DCUN1D5: variants seen among roughly 807,000 people sequenced by gnomAD.
DCUN1D5 encodes defective in cullin neddylation 1 domain containing 5, also known as DCN1-like protein 5.
In DCUN1D5, 10 loss-of-function variants were observed where a neutral mutation model predicts 38.3. The ratio of observed to expected loss-of-function variants is 0.26; its 90% CI spans 0.16 to 0.44. The LOEUF is 0.44. Among genes scored for constraint, DCUN1D5 ranks in the 20% least tolerant of loss-of-function variants. The pLI is 1.00. For missense variants in DCUN1D5, 148 were observed against 275.3 expected, an observed-to-expected ratio of 0.54 and a Z score of 3.27; for synonymous variants, 93 against 90.9, an observed-to-expected ratio of 1.02 and a Z score of -0.13.
chr11:103,092,093 A>G lies in DCUN1D5; in HGVS notation c.-221T>C. The G allele has an allele frequency of 1.9e-6, 1 of 533,296 alleles. No homozygotes were observed. Among genetic ancestry groups the G allele is most frequent in the Non-Finnish European group, 3.3e-6 (1 of 302,034 alleles). 33.0% of individuals were successfully genotyped at this position (533,296 alleles called of 1,614,324 possible). On this transcript the variant is annotated 5_prime_UTR_variant, in exon 1 of 8. Transcript: ENST00000260247. ...CAGGGCTGGCTCCTCGCCGGTGGAC[A>G]CTGCGGTTCGTTCTCACCGGGAGGA...
rs1487133857 is a variant in DCUN1D5 at position 103,052,639 on chromosome 11, G to C, written c.*9720C>G. 3.9e-5 allele frequency: 6 copies of C among 152,130 alleles called. No homozygotes were observed. The East Asian group carries it at 1.2e-3, about 29-fold the overall frequency. 9.4% of individuals were successfully genotyped at this position (152,130 alleles called of 1,614,324 possible). On this transcript the variant is annotated 3_prime_UTR_variant, in exon 8 of 8. Transcript: ENST00000260247. Reference sequence around the variant, plus strand: ...CTTGTATCTACTCCAAGTCTCTCTTGGTAGTTCTTACATATCATCCTTTTT... The same window carrying C: ...CTTGTATCTACTCCAAGTCTCTCTTCGTAGTTCTTACATATCATCCTTTTT...
rs938503644 is a variant in DCUN1D5 at position 103,077,368 on chromosome 11, G to A, written c.341+5380C>T. Reference sequence around the variant, plus strand: ...CTAACATCAATACCTCAGAAATTGGGAAGTTTAGAAAAAAGAATATTTCCT... The same window carrying A: ...CTAACATCAATACCTCAGAAATTGGAAAGTTTAGAAAAAAGAATATTTCCT... On this transcript the variant is annotated intron_variant, in intron 4 of 7. Transcript: ENST00000260247. The surrounding 1 kb of genome is among the most constrained non-coding windows in gnomAD (Gnocchi z 4.3). Among the ~76,000 whole-genome samples, 1 of 152,032 alleles carries A rather than the reference G, an allele frequency of 6.6e-6. No individual in the cohort carries two copies. Among genetic ancestry groups the A allele is most frequent in the Non-Finnish European group, 1.5e-5 (1 of 68,012 alleles).
In DCUN1D5 at chr11:103,066,153, T is replaced by C. The variant is rs1305739709; in HGVS notation, c.555+116A>G. ...AACTGATATGTACATATTTTAGAAT[T>C]TTTTCTCTAAAGTTTTTTTAAAGCA... On this transcript the variant is annotated intron_variant, in intron 6 of 7. Coordinates refer to ENST00000260247, the MANE Select transcript of DCUN1D5 (RefSeq NM_032299.4). This position sits in a 1 kb window ranked among gnomAD's most constrained non-coding sequence, Gnocchi z 4.7. 1.7e-6 allele frequency: 1 copy of C among 593,228 alleles called. No individual in the cohort carries two copies. Among genetic ancestry groups the C allele is most frequent in the Non-Finnish European group, 2.8e-6 (1 of 358,738 alleles). 36.7% of individuals were successfully genotyped at this position (593,228 alleles called of 1,614,324 possible).
At position 103,087,477 on chromosome 11, in the gene DCUN1D5, C is replaced by T. The variant is rs187757367; in HGVS notation, c.178+1750G>A. Among the ~76,000 whole-genome samples, 193 of 152,236 alleles carry T rather than the reference C, an allele frequency of 1.3e-3. 1 individual carries two copies. Among genetic ancestry groups the T allele is most frequent in the Non-Finnish European group, 2.6e-3 (174 of 67,996 alleles). ...GAGCCACCACACCCGGCTGAAACCCCATTTCTACAAAAAATTTAAAAAATT... is the reference window on the plus strand; with the variant it reads ...GAGCCACCACACCCGGCTGAAACCCTATTTCTACAAAAAATTTAAAAAATT... On this transcript the variant is annotated intron_variant, in intron 2 of 7. Transcript: ENST00000260247. The surrounding 1 kb of genome is among the most constrained non-coding windows in gnomAD (Gnocchi z 4.1).
Position 103,064,405 on chromosome 11 carries a change from T to A in DCUN1D5, c.556-28A>T. On this transcript the variant is annotated intron_variant, in intron 6 of 7. Coordinates refer to ENST00000260247, the MANE Select transcript of DCUN1D5 (RefSeq NM_032299.4). This position sits in a 1 kb window ranked among gnomAD's most constrained non-coding sequence, Gnocchi z 4.5. ...GCAAAAATGATTTAAATATTTGTATTTAAATATTTAAACAAACATCATTTA... is the reference window on the plus strand; with the variant it reads ...GCAAAAATGATTTAAATATTTGTATATAAATATTTAAACAAACATCATTTA... The A allele has an allele frequency of 3.4e-6, 5 of 1,491,984 alleles. No homozygotes were observed. The highest frequency in any genetic ancestry group is 3.7e-6 in the Non-Finnish European group (4 of 1,094,334). The allele number at this position is 1,491,984 out of a possible 1,614,324, so 92.4% of individuals were successfully genotyped here.
Position 103,091,678 on chromosome 11 carries a change from C to CCT in DCUN1D5, c.86+107_86+108dup. ...CTACAGCCTAGCTCGATCAAAGGGG[C>CCT]CTCACCTGTCTCCAGCCCCAGCCCG... On this transcript the variant is annotated intron_variant, in intron 1 of 7. Transcript: ENST00000260247. The surrounding 1 kb of genome is among the most constrained non-coding windows in gnomAD (Gnocchi z 4.3). The CCT allele has an allele frequency of 6.3e-7, 1 of 1,599,790 alleles. No homozygotes were observed. Among genetic ancestry groups the CCT allele is most frequent in the Non-Finnish European group, 8.5e-7 (1 of 1,173,312 alleles).
chr11:103,077,148 C>T lies in DCUN1D5; in HGVS notation c.341+5600G>A, dbSNP rs1862429763. The stretch of plus-strand genomic sequence containing the variant: ...CCGGGAGGCGGAGCTTGCAGTGAGC[C>T]GAGATCGCGCCACTGCACTCCAGCC... On this transcript the variant is annotated intron_variant, in intron 4 of 7. Transcript: ENST00000260247. The surrounding 1 kb of genome is among the most constrained non-coding windows in gnomAD (Gnocchi z 4.3). Among the ~76,000 whole-genome samples the T allele has an allele frequency of 6.6e-6, 1 of 151,880 alleles. No homozygotes were observed. The highest frequency in any genetic ancestry group is 1.5e-5 in the Non-Finnish European group (1 of 67,976).
intron 4 of DCUN1D5, among the ~76,000 whole-genome samples, chr11:103,072,078 G>A (rs1380996236): frequency 4.0e-5 from 6 of 151,346 alleles, no homozygotes; most frequent in East Asian, 1.9e-4. Flanking sequence ...CCTCAACTTC[G>A]TAGAGCATAA....
At position 103,092,111 on chromosome 11, in the gene DCUN1D5, C is replaced by T; in HGVS notation, c.-239G>A. 1 of 485,212 alleles carries T rather than the reference C, an allele frequency of 2.1e-6. No individual in the cohort carries two copies. Among genetic ancestry groups the T allele is most frequent in the Non-Finnish European group, 3.6e-6 (1 of 274,160 alleles). 30.1% of individuals were successfully genotyped at this position (485,212 alleles called of 1,614,324 possible). ...GGTGGACACTGCGGTTCGTTCTCAC[C>T]GGGAGGAGATAACGCGGACAGCGCG... On this transcript the variant is annotated 5_prime_UTR_variant, in exon 1 of 8. Transcript: ENST00000260247.
chr11:103,073,844 G>A lies in DCUN1D5; in HGVS notation c.342-7277C>T, dbSNP rs1460471050. On this transcript the variant is annotated intron_variant, in intron 4 of 7. Coordinates refer to ENST00000260247, the MANE Select transcript of DCUN1D5 (RefSeq NM_032299.4). The surrounding 1 kb of genome is among the most constrained non-coding windows in gnomAD (Gnocchi z 4.2). ...TCCCAACATTTTTGGAGGCTCAGGC[G>A]GGCAGATCACTTGAGGTCAGGATTT... 3.3e-5 allele frequency among the ~76,000 whole-genome samples: 5 copies of A among 152,060 alleles called. No homozygotes were observed. The highest frequency in any genetic ancestry group is 7.2e-5 in the African/African-American group (3 of 41,404).
In DCUN1D5 at chr11:103,060,846, T is replaced by G. The variant is rs1427046257; in HGVS notation, c.*1513A>C. ...CTAAATGCTTTCCTTATAATAAATTTGATATTAAAACATCATTCATAATAT... is the reference window on the plus strand; with the variant it reads ...CTAAATGCTTTCCTTATAATAAATTGGATATTAAAACATCATTCATAATAT... On this transcript the variant is annotated 3_prime_UTR_variant, in exon 8 of 8. Coordinates refer to ENST00000260247, the MANE Select transcript of DCUN1D5 (RefSeq NM_032299.4). Among the ~76,000 whole-genome samples, 1 of 152,182 alleles carries G rather than the reference T, an allele frequency of 6.6e-6. No individual in the cohort carries two copies. The highest frequency in any genetic ancestry group is 1.5e-5 in the Non-Finnish European group (1 of 68,006).
chr11:103,089,380 G>T, intron 1 of DCUN1D5, 62 bp from the exon 2 acceptor site: 1 of 1,396,974 alleles, frequency 7.2e-7, no homozygotes, highest in Non-Finnish European at 9.8e-7. Flanking sequence ...GAAAAACTAA[G>T]TTCAAAATTA....
rs1361379598 is a variant in DCUN1D5, at chr11:103,091,762, C to T, written c.86+25G>A. 1 of 1,613,908 alleles carries T rather than the reference C, an allele frequency of 6.2e-7. No homozygotes were observed. Among genetic ancestry groups the T allele is most frequent in the Non-Finnish European group, 8.5e-7 (1 of 1,179,882 alleles). On this transcript the variant is annotated intron_variant, in intron 1 of 7. Coordinates refer to ENST00000260247, the MANE Select transcript of DCUN1D5 (RefSeq NM_032299.4). This position sits in a 1 kb window ranked among gnomAD's most constrained non-coding sequence, Gnocchi z 4.3. ...TCCAGCAAAGGAGGGAGGAGGGAAG[C>T]TTGAAGGGTGGGGGGAGATGGTACC...
chr11:103,067,313 G>A (rs1862158592), intron 4 of DCUN1D5, among the ~76,000 whole-genome samples: 2 of 152,046 alleles, frequency 1.3e-5, no homozygotes, highest in Admixed American at 1.3e-4. Flanking sequence ...TTCACAATTT[G>A]GCACAAATCT....
chr11:103,068,244 C>G (rs1444346556), intron 4 of DCUN1D5, among the ~76,000 whole-genome samples: 1 of 152,122 alleles, frequency 6.6e-6, no homozygotes, highest in Non-Finnish European at 1.5e-5. Context: ...TAATTTCCCT[C>G]TTAATACAAC....
At position 103,092,053 on chromosome 11, in the gene DCUN1D5, T is replaced by C; in HGVS notation, c.-181A>G. On this transcript the variant is annotated 5_prime_UTR_variant, in exon 1 of 8. Coordinates refer to ENST00000260247, the MANE Select transcript of DCUN1D5 (RefSeq NM_032299.4). ...CCCGCTCCCAGGTATCCTCGTCGTC[T>C]TTCTCTGACCGGGACAGGGCTGGCT... 1 of 602,374 alleles carries C rather than the reference T, an allele frequency of 1.7e-6. No homozygotes were observed. The highest frequency in any genetic ancestry group is 2.9e-6 in the Non-Finnish European group (1 of 342,238). The allele number at this position is 602,374 out of a possible 1,614,324, so 37.3% of individuals were successfully genotyped here.
At position 103,064,305 on chromosome 11, in the gene DCUN1D5, C is replaced by G. The variant is rs1862082731; in HGVS notation, c.628G>C (p.Asp210His). 1 of 1,611,050 alleles carries G rather than the reference C, an allele frequency of 6.2e-7. No individual in the cohort carries two copies. The highest frequency in any genetic ancestry group is 1.3e-5 in the African/African-American group (1 of 74,874). The change falls in exon 7 of 8, where the codon GAT (aspartate) becomes CAT (histidine). Residue 210 changes from aspartate to histidine, a missense_variant. Asp to His is a moderately conservative substitution (Grantham distance 81). Coordinates refer to ENST00000260247, the MANE Select transcript of DCUN1D5 (RefSeq NM_032299.4). This position sits in a 1 kb window ranked among gnomAD's most constrained non-coding sequence, Gnocchi z 4.5. ...CCATCTTCATCATAGTTACTAAGAT[C>G]AGCATGGACTGTTCTGCTGAATTCT... Reference protein sequence around the residue: ...VLEFSRTVHADLSNYDEDGAW... With the variant: ...VLEFSRTVHAHLSNYDEDGAW...
At position 103,054,787 on chromosome 11, in the gene DCUN1D5, T is replaced by G. The variant is rs910592020; in HGVS notation, c.*7572A>C. ...AAACTCCTTGGAATATAAATATACATTTATATTCAAATGTATATTAGCGTC... is the reference window on the plus strand; with the variant it reads ...AAACTCCTTGGAATATAAATATACAGTTATATTCAAATGTATATTAGCGTC... On this transcript the variant is annotated 3_prime_UTR_variant, in exon 8 of 8. Coordinates refer to ENST00000260247, the MANE Select transcript of DCUN1D5 (RefSeq NM_032299.4). 1 of 152,044 alleles carries G rather than the reference T, an allele frequency of 6.6e-6. No homozygotes were observed. The highest frequency in any genetic ancestry group is 1.5e-5 in the Non-Finnish European group (1 of 67,974). The allele number at this position is 152,044 out of a possible 1,614,324, so 9.4% of individuals were successfully genotyped here. A position where few individuals can be genotyped will look rare whatever the true frequency, so the allele number is the denominator to read the frequency against.
At position 103,077,964 on chromosome 11, in the gene DCUN1D5, C is replaced by T. The variant is rs191366121; in HGVS notation, c.341+4784G>A. Among the ~76,000 whole-genome samples, 136 of 152,180 alleles carry T rather than the reference C, an allele frequency of 8.9e-4. No homozygotes were observed. Among genetic ancestry groups the T allele is most frequent in the Non-Finnish European group, 1.4e-3 (97 of 68,006 alleles). On this transcript the variant is annotated intron_variant, in intron 4 of 7. Transcript: ENST00000260247. The surrounding 1 kb of genome is among the most constrained non-coding windows in gnomAD (Gnocchi z 4.3). ...CCAAATGCTAAATGAATGACAGTCACATCACACACGATGGCATTTCATTTA... is the reference window on the plus strand; with the variant it reads ...CCAAATGCTAAATGAATGACAGTCATATCACACACGATGGCATTTCATTTA...
Sources: allele counts gnomAD v4.1 joint callset (sites outside exome capture counted in the v4.1 genomes callset), GRCh38; gene constraint gnomAD v4.1.1; non-coding constraint Gnocchi (gnomAD v3.1); transcripts MANE v1.5; gene names NCBI Gene and HGNC (gene_info 2026-07-23, HGNC 2026-07-21).